The following CGNL1 variants were observed in gnomAD, a reference collection of about 807,000 sequenced individuals.
CGNL1 encodes the protein cingulin-like protein 1.
Under a neutral mutation model 141.2 loss-of-function variants are expected in CGNL1, and 132 were observed. That is an observed-to-expected ratio of 0.93 (90% confidence interval 0.81 to 1.08). The LOEUF is 1.08. Ranked by LOEUF, CGNL1 falls within the 50% of genes least tolerant of loss-of-function variation. The pLI, the probability that CGNL1 is intolerant of heterozygous loss-of-function variation, is 0.00. For synonymous variants in CGNL1, 690 were observed against 622.1 expected, an observed-to-expected ratio of 1.11 and a Z score of -1.63; for missense variants, 1,870 against 1,588.6, an observed-to-expected ratio of 1.18 and a Z score of -3.01.
chr15:57,534,545 C>G (rs2032142318), intron 14 of CGNL1, among the ~76,000 whole-genome samples: 1 of 152,158 alleles, frequency 6.6e-6, no homozygotes, highest in South Asian at 2.1e-4. Context: ...CTGGGGAGGG[C>G]CTTGGGTATA....
intron 8 of CGNL1, among the ~76,000 whole-genome samples, chr15:57,462,774 T>C (rs2063463405): frequency 6.6e-6 from 1 of 152,216 alleles, no homozygotes; most frequent in Non-Finnish European, 1.5e-5. Context: ...GAAAGATGGG[T>C]TTGTTTGTTA....
At chr15:57,545,790 G>T in intron 17 of CGNL1, 90 bp downstream of exon 17, 3 of 1,098,900 alleles carry the variant, frequency 2.7e-6, no homozygotes, top group Non-Finnish European at 4.0e-6. Flanking sequence ...CTGAGCAGGA[G>T]TGGAGTGTGA....
At position 57,437,986 on chromosome 15, in the gene CGNL1, T is replaced by C; in HGVS notation, c.-14T>C. On this transcript the variant is annotated splice_region_variant and 5_prime_UTR_variant, in exon 2 of 19. Coordinates refer to ENST00000281282, the MANE Select transcript of CGNL1 (RefSeq NM_032866.5). Reference sequence around the variant, plus strand: ...TTTTACCCCATCTCTCCCTGGTAGCTGGAACAGTGAACCATGGAGCTGTAT... The same window carrying C: ...TTTTACCCCATCTCTCCCTGGTAGCCGGAACAGTGAACCATGGAGCTGTAT... 6.2e-7 allele frequency: 1 copy of C among 1,604,482 alleles called. No individual in the cohort carries two copies. The highest frequency in any genetic ancestry group is 8.5e-7 in the Non-Finnish European group (1 of 1,177,124).
rs1381428024 is a variant in CGNL1, at chr15:57,550,160, C to T, written c.*2670C>T. On this transcript the variant is annotated 3_prime_UTR_variant, in exon 19 of 19. Transcript: ENST00000281282. ...GTTTTGACAATTGCGCTATCCTACA[C>T]TCTGAGGGAGTTGGCAACGCATGCG... is the stretch of plus-strand genomic sequence containing the variant. 2 of 152,264 alleles carry T rather than the reference C, an allele frequency of 1.3e-5. No homozygotes were observed. Among genetic ancestry groups the T allele is most frequent in the African/African-American group, 4.8e-5 (2 of 41,458 alleles). The allele number at this position is 152,264 out of a possible 1,614,324, so 9.4% of individuals were successfully genotyped here.
At chr15:57,391,491 G>A (rs1292234278) in intron 1 of CGNL1, among the ~76,000 whole-genome samples, 1 of 152,206 alleles carries the variant, frequency 6.6e-6, no homozygotes, top group Non-Finnish European at 1.5e-5. Flanking sequence ...TGAGGAGACA[G>A]ACACTCTCAC....
chr15:57,487,096 A>G (rs1227665615), intron 8 of CGNL1, among the ~76,000 whole-genome samples: 1 of 152,190 alleles, frequency 6.6e-6, no homozygotes, highest in Non-Finnish European at 1.5e-5. Flanking sequence ...TACCAGTGCA[A>G]CCACACTAAA....
At position 57,545,658 on chromosome 15, in the gene CGNL1, G is replaced by A; in HGVS notation, c.3567G>A (p.Gln1189=). Residue 1189 remains glutamine (Q), a synonymous_variant, in exon 17 of 19, where the codon CAG becomes CAA. Transcript: ENST00000281282. ...LERKVKELVM[Q]VDDEHLSLTD... is the part of the protein sequence containing the mutation. ...GGAAAGTGAAGGAGCTGGTGATGCA[G>A]GTGGATGATGAGCACCTGTCATTGA... 1 of 1,613,772 alleles carries A rather than the reference G, an allele frequency of 6.2e-7. No individual in the cohort carries two copies. Among genetic ancestry groups the A allele is most frequent in the African/African-American group, 1.3e-5 (1 of 75,056 alleles).
intron 1 of CGNL1, among the ~76,000 whole-genome samples, chr15:57,427,971 AC>A (rs2062998419): frequency 7.2e-6 from 1 of 138,372 alleles, no homozygotes; most frequent in Admixed American, 7.0e-5. Context: ...GAAAACCTTG[AC>A]TTTTTTTTTT....
chr15:57,442,067 A>G (rs2063194106), intron 3 of CGNL1, among the ~76,000 whole-genome samples: 1 of 151,656 alleles, frequency 6.6e-6, no homozygotes, highest in South Asian at 2.1e-4. Flanking sequence ...ACAACAAATT[A>G]CTAAATGTTC....
intron 1 of CGNL1, among the ~76,000 whole-genome samples, chr15:57,382,217 A>G (rs894753584): frequency 2.0e-5 from 3 of 152,218 alleles, no homozygotes; most frequent in Non-Finnish European, 1.5e-5. Context: ...ATATGGAGTT[A>G]TAATTAGAGA....
intron 8 of CGNL1, among the ~76,000 whole-genome samples, chr15:57,486,215 A>G (rs988031271): frequency 8.5e-5 from 13 of 152,204 alleles, no homozygotes; most frequent in African/African-American, 3.1e-4. Flanking sequence ...GATGTGGTCA[A>G]GGAATTTGGT....
intron 8 of CGNL1, among the ~76,000 whole-genome samples, chr15:57,493,347 G>A (rs1225436742): frequency 1.4e-4 from 22 of 152,248 alleles, no homozygotes; most frequent in Non-Finnish European, 1.8e-4. Context: ...GACAGATTTT[G>A]GAAGGAGCTT....
intron 1 of CGNL1, among the ~76,000 whole-genome samples, chr15:57,383,081 C>G (rs1303004893): frequency 6.6e-6 from 1 of 152,114 alleles, no homozygotes; most frequent in Non-Finnish European, 1.5e-5. Flanking sequence ...CAGAATTATA[C>G]AGCAGCAGCT....
At chr15:57,538,363 T>C (rs898350132) in intron 14 of CGNL1, among the ~76,000 whole-genome samples, 1 of 152,282 alleles carries the variant, frequency 6.6e-6, no homozygotes, top group Admixed American at 6.5e-5. Context: ...TGTTAAGTTT[T>C]ATGGCTACAC....
chr15:57,468,234 C>CTTTTTTT (rs57360097), intron 8 of CGNL1, among the ~76,000 whole-genome samples: 5 of 85,916 alleles, frequency 5.8e-5, no homozygotes, highest in African/African-American at 2.0e-4. Flanking sequence ...TTTTCTTTTT[C>CTTTTTTT]TTTTTTTTTT....
chr15:57,385,673 A>AC (rs553578091), intron 1 of CGNL1, among the ~76,000 whole-genome samples: 2 of 152,072 alleles, frequency 1.3e-5, no homozygotes, highest in Non-Finnish European at 2.9e-5. Context: ...TGTAATGCCT[A>AC]CCCCATACAG....
chr15:57,500,569 C>T (rs1485134082), intron 8 of CGNL1, among the ~76,000 whole-genome samples: 1 of 152,070 alleles, frequency 6.6e-6, no homozygotes, highest in Non-Finnish European at 1.5e-5. Context: ...TTAATTAGGG[C>T]AATCATTTAT....
chr15:57,507,504 G>A (rs1247697686), intron 8 of CGNL1, among the ~76,000 whole-genome samples: 3 of 152,144 alleles, frequency 2.0e-5, no homozygotes, highest in African/African-American at 7.2e-5. Context: ...TAATCACTGA[G>A]TTGCCATAGG....
chr15:57,416,407 G>C (rs544554396), intron 1 of CGNL1, among the ~76,000 whole-genome samples: 22 of 152,106 alleles, frequency 1.4e-4, no homozygotes, highest in African/African-American at 5.3e-4. Context: ...AAGTCGTCAG[G>C]AACATTCTCA....
Sources: gnomAD v4.1 joint callset for allele counts (sites outside exome capture counted in the v4.1 genomes callset) on GRCh38, gnomAD v4.1.1 for gene constraint, MANE v1.5 for transcripts, NCBI Gene and HGNC (gene_info 2026-07-23, HGNC 2026-07-21) for gene names.